PRSS53: variants seen among roughly 807,000 people sequenced by gnomAD.
The protein encoded by PRSS53 is serine protease 53.
Under a neutral mutation model 62.7 loss-of-function variants are expected in PRSS53, and 54 were observed. The observed-to-expected ratio is 0.86, with a 90% CI of 0.69 to 1.08. The LOEUF is 1.08. Among genes scored for constraint, PRSS53 ranks in the 50% least tolerant of loss-of-function variants. PRSS53 has a pLI of 0.00. For missense variants in PRSS53, 688 were observed against 728.3 expected (o/e 0.94, Z 0.64); for synonymous variants, 273 against 300.0 (o/e 0.91, Z 0.93).
exon 6 of PRSS53, chr16:31,085,993 G>C: frequency 1.9e-6 from 3 of 1,613,976 alleles, no homozygotes; most frequent in Non-Finnish European, 2.5e-6. Flanking sequence ...ACTCATCTCC[G>C]GGGTCTCTGG....
At chr16:31,087,682 G>A in exon 3 of PRSS53, 1 of 1,612,406 alleles carries the variant, frequency 6.2e-7, no homozygotes, top group Non-Finnish European at 8.5e-7. Flanking sequence ...GGGGGGCCGG[G>A]GCCACGCTGT....
intron 10 of PRSS53, 85 bp from the exon 11 acceptor site, chr16:31,083,894 G>A: frequency 6.2e-7 from 1 of 1,603,168 alleles, no homozygotes; most frequent in Non-Finnish European, 8.5e-7. Context: ...AAGGAACAGG[G>A]TCTGTCTTGG....
At position 31,084,809 on chromosome 16, in the gene PRSS53, C is replaced by T. The variant is rs940292253; in HGVS notation, c.1250G>A (p.Trp417Ter). ...TCCTGGGCGGGCCCGTCCCAGAACC[C>T]AGCCACGCTCCCCATCAGGCAGGTG... The change falls in exon 8 of 11, where the codon TGG becomes TAG. Residue 417 changes from tryptophan to a stop codon, truncating the protein, a stop_gained. Transcript: ENST00000280606. LOFTEE classifies it high-confidence loss of function. The T allele has an allele frequency of 1.3e-6, 2 of 1,540,388 alleles. No individual in the cohort carries two copies. Among genetic ancestry groups the T allele is most frequent in the Non-Finnish European group, 1.8e-6 (2 of 1,139,012 alleles).
intron 1 of PRSS53, 87 bp from the exon 2 acceptor site, chr16:31,087,913 C>T: frequency 6.3e-7 from 1 of 1,579,050 alleles, no homozygotes; most frequent in Non-Finnish European, 8.6e-7. Flanking sequence ...GGGGGCGGGC[C>T]CAGGGTCCTT....
intron 3 of PRSS53, 75 bp from the exon 4 acceptor site, chr16:31,086,973 A>T (rs1456612451): frequency 6.9e-7 from 1 of 1,457,328 alleles, no homozygotes; most frequent in Admixed American, 2.4e-5. Context: ...CCCCACAGGT[A>T]GGTGGAAGAT....
exon 4 of PRSS53, chr16:31,086,705 G>A: frequency 6.4e-7 from 1 of 1,566,768 alleles, no homozygotes; most frequent in Middle Eastern, 1.7e-4. Flanking sequence ...GCGGGCTGGG[G>A]CAGGCAGAGG....
chr16:31,084,946 A>C, exon 8 of PRSS53: 1 of 1,549,174 alleles, frequency 6.5e-7, no homozygotes, highest in South Asian at 1.2e-5. Context: ...TGTAGGCTCC[A>C]TGCAGGATGA....
At chr16:31,083,489 C>CA in exon 11 of PRSS53, 1 of 1,326,648 alleles carries the variant, frequency 7.5e-7, no homozygotes, top group Non-Finnish European at 9.7e-7. Flanking sequence ...TGCTGCCCCC[C>CA]AAAAAAAGAA....
intron 1 of PRSS53, chr16:31,088,154 G>T: frequency 7.6e-7 from 1 of 1,312,512 alleles, no homozygotes; most frequent in African/African-American, 1.5e-5. Flanking sequence ...GGCGGCCTGT[G>T]TGTGTAGAGA....
intron 9 of PRSS53, 110 bp from the exon 10 acceptor site, chr16:31,084,445 A>G: frequency 6.7e-7 from 1 of 1,492,600 alleles, no homozygotes; most frequent in East Asian, 2.4e-5. Flanking sequence ...AAAAAGGCTT[A>G]GTTTCAGGTG....
intron 1 of PRSS53, 27 bp downstream of exon 1, chr16:31,088,725 C>A (rs567164561): frequency 1.9e-6 from 3 of 1,612,758 alleles, no homozygotes; most frequent in Non-Finnish European, 2.5e-6. Context: ...CCAGGCCACA[C>A]CCATACCCCA....
At chr16:31,087,448 C>CT in intron 3 of PRSS53, 89 bp downstream of exon 3, 1 of 937,536 alleles carries the variant, frequency 1.1e-6, no homozygotes, top group Non-Finnish European at 1.6e-6. Context: ...TATTATTACT[C>CT]TAGAGGCAGG....
chr16:31,087,787 C>T lies in PRSS53; in HGVS notation c.79+19G>A. On this transcript the variant is annotated intron_variant, in intron 2 of 10. Transcript: ENST00000280606. Reference sequence around the variant, plus strand: ...CCCAGACCCAAGTAAGACCTAGGCCCCGTGTCCCCAGACCTTACCACGCTG... The same window carrying T: ...CCCAGACCCAAGTAAGACCTAGGCCTCGTGTCCCCAGACCTTACCACGCTG... 1 of 1,614,116 alleles carries T rather than the reference C, an allele frequency of 6.2e-7. No individual in the cohort carries two copies. The highest frequency in any genetic ancestry group is 8.5e-7 in the Non-Finnish European group (1 of 1,180,038).
exon 10 of PRSS53, chr16:31,084,217 G>A (rs1269437964): frequency 2.5e-6 from 4 of 1,611,554 alleles, no homozygotes; most frequent in African/African-American, 2.7e-5. Context: ...CTCATAGGCA[G>A]GGAGCGCGGT....
chr16:31,085,126 C>T (rs1403253766), exon 7 of PRSS53: 2 of 1,612,698 alleles, frequency 1.2e-6, no homozygotes, highest in Admixed American at 1.7e-5. Flanking sequence ...AAGCAGTGGG[C>T]AGCAGTTAGC....
At chr16:31,085,531 C>T (rs2057223101) in intron 6 of PRSS53, among the ~76,000 whole-genome samples, 1 of 152,196 alleles carries the variant, frequency 6.6e-6, no homozygotes, top group Non-Finnish European at 1.5e-5. Flanking sequence ...CACTCCCCTG[C>T]TCCACCCGTC....
intron 4 of PRSS53, 32 bp downstream of exon 4, chr16:31,086,601 C>T: frequency 6.5e-7 from 1 of 1,542,910 alleles, no homozygotes; most frequent in Non-Finnish European, 8.8e-7. Flanking sequence ...AGCAGAGTGC[C>T]TCTCCGAGCT....
chr16:31,086,436 G>A (rs1257178153), exon 5 of PRSS53: 9 of 1,614,000 alleles, frequency 5.6e-6, no homozygotes, highest in Non-Finnish European at 7.6e-6. Context: ...TGTAGATACA[G>A]TTACATGTGG....
chr16:31,083,765 G>A, exon 11 of PRSS53: 1 of 1,614,158 alleles, frequency 6.2e-7, no homozygotes, highest in Non-Finnish European at 8.5e-7. Flanking sequence ...GCATTCTCTT[G>A]TCCTGAGAAT....
Sources: allele counts gnomAD v4.1 joint callset (sites outside exome capture counted in the v4.1 genomes callset), GRCh38; gene constraint gnomAD v4.1.1; transcripts MANE v1.5; gene names NCBI Gene and HGNC (gene_info 2026-07-23, HGNC 2026-07-21).